ZBBX: variants seen among roughly 807,000 people sequenced by gnomAD.
ZBBX encodes zinc finger B-box domain-containing protein 1.
A neutral mutation model predicts 108.5 loss-of-function variants in ZBBX; 101 were observed. The ratio of observed to expected loss-of-function variants is 0.93; its 90% confidence interval spans 0.79 to 1.10. The LOEUF is 1.10. Ranked by LOEUF, ZBBX falls within the 50% of genes least tolerant of loss-of-function variation. The pLI, the probability that ZBBX is intolerant of heterozygous loss-of-function variation, is 0.00. For synonymous variants in ZBBX, 356 were observed against 323.4 expected, an observed-to-expected ratio of 1.10 and a Z score of -1.08; for missense variants, 1,009 against 941.4, an observed-to-expected ratio of 1.07 and a Z score of -0.94.
At chr3:167,356,955 A>C (rs902789664) in intron 8 of ZBBX, among the ~76,000 whole-genome samples, 24 of 152,298 alleles carry the variant, frequency 1.6e-4, no homozygotes, top group Middle Eastern at 3.4e-3. Flanking sequence ...GTGAGGGAAG[A>C]CTATTTATTG....
At chr3:167,377,331 T>C (rs916524716) in intron 2 of ZBBX, among the ~76,000 whole-genome samples, 1 of 152,136 alleles carries the variant, frequency 6.6e-6, no homozygotes, top group South Asian at 2.1e-4. Context: ...ATTGGCAGAA[T>C]GGGAGGTTTG....
At chr3:167,405,363 A>G (rs1187915831) in intron 1 of ZBBX, among the ~76,000 whole-genome samples, 1 of 152,196 alleles carries the variant, frequency 6.6e-6, no homozygotes, top group African/African-American at 2.4e-5. Context: ...AATGAAGAAA[A>G]GAAGAAAAGG....
intron 15 of ZBBX, 115 bp downstream of exon 15, chr3:167,315,635 T>C (rs1735310297): frequency 1.4e-6 from 1 of 707,262 alleles, no homozygotes; most frequent in Admixed American, 2.5e-5. Flanking sequence ...TACTCTGACA[T>C]TAATGTCACA....
In ZBBX at chr3:167,272,123, G is replaced by A. The variant is rs139652760; in HGVS notation, c.2254+10115C>T. Among the ~76,000 whole-genome samples, 1,502 of 152,194 alleles carry A rather than the reference G, an allele frequency of 9.9e-3. 9 individuals carry two copies. The highest frequency in any genetic ancestry group is 0.016 in the Non-Finnish European group (1,054 of 67,994). The stretch of plus-strand genomic sequence containing the variant: ...TAGTTCTAGAGACTCAGTTACCATG[G>A]ACCAAATGTCTTCCTATTTATTGCC... On this transcript the variant is annotated intron_variant, in intron 20 of 21. Coordinates refer to ENST00000675490, the MANE Select transcript of ZBBX (RefSeq NM_001199201.2).
At chr3:167,323,416 G>A (rs1736826333) in intron 11 of ZBBX, among the ~76,000 whole-genome samples, 1 of 151,988 alleles carries the variant, frequency 6.6e-6, no homozygotes, top group South Asian at 2.1e-4. Context: ...AATAAAGATG[G>A]GAGGTGACCT....
chr3:167,227,919 T>C, the ZBBX span, among the ~76,000 whole-genome samples: 1 of 151,612 alleles, frequency 6.6e-6, no homozygotes, highest in African/African-American at 2.4e-5. Context: ...TTTCAGTGTG[T>C]TGTCTGTAAG....
chr3:167,291,166 A>G (rs1191558584), intron 18 of ZBBX, among the ~76,000 whole-genome samples: 1 of 152,172 alleles, frequency 6.6e-6, no homozygotes, highest in East Asian at 1.9e-4. Context: ...TCCCCAACCT[A>G]CCAAGACAGG....
At chr3:167,370,541 A>G (rs759400647) in intron 4 of ZBBX, among the ~76,000 whole-genome samples, 1 of 152,204 alleles carries the variant, frequency 6.6e-6, no homozygotes, top group Non-Finnish European at 1.5e-5. Context: ...TCATTTGCTT[A>G]GAAGACTTCT....
chr3:167,404,216 G>C (rs534047647), intron 1 of ZBBX, among the ~76,000 whole-genome samples: 1 of 151,192 alleles, frequency 6.6e-6, no homozygotes, highest in Non-Finnish European at 1.5e-5. Flanking sequence ...AATGGAATTC[G>C]TTAAAAAAAT....
intron 1 of ZBBX, among the ~76,000 whole-genome samples, chr3:167,407,623 G>A (rs1217321775): frequency 6.6e-6 from 1 of 151,906 alleles, no homozygotes; most frequent in Non-Finnish European, 1.5e-5. Context: ...AAAAAAGTTA[G>A]GGAAAAGGAA....
chr3:167,274,741 A>G (rs1179522269), intron 20 of ZBBX, among the ~76,000 whole-genome samples: 1 of 152,136 alleles, frequency 6.6e-6, no homozygotes, highest in East Asian at 1.9e-4. Context: ...CCACCACTGT[A>G]CCTCACGTCC....
chr3:167,257,663 T>C (rs1361651432), intron 20 of ZBBX, among the ~76,000 whole-genome samples: 3 of 152,126 alleles, frequency 2.0e-5, no homozygotes, highest in African/African-American at 4.8e-5. Context: ...TCCTTTATTC[T>C]GTTGATATGA....
chr3:167,240,686 T>C lies in ZBBX; in HGVS notation c.*107A>G. On this transcript the variant is annotated 3_prime_UTR_variant, in exon 22 of 22. Coordinates refer to ENST00000675490, the MANE Select transcript of ZBBX (RefSeq NM_001199201.2). ...TGTAGCCTTGAAACATCAAAGACAT[T>C]AGTAATCAAAATCTCCAGCACTTGG... The C allele has an allele frequency of 7.6e-7, 1 of 1,323,452 alleles. No individual in the cohort carries two copies. Among genetic ancestry groups the C allele is most frequent in the South Asian group, 1.4e-5 (1 of 69,158 alleles). 82.0% of individuals were successfully genotyped at this position (1,323,452 alleles called of 1,614,324 possible).
chr3:167,191,732 AACAG>A, the ZBBX span, among the ~76,000 whole-genome samples: 1 of 151,656 alleles, frequency 6.6e-6, no homozygotes, highest in Admixed American at 6.6e-5. Context: ...GCAGTGTGAA[AACAG>A]ACTAATACAG....
intron 10 of ZBBX, among the ~76,000 whole-genome samples, chr3:167,332,246 C>A (rs1478820364): frequency 1.3e-5 from 2 of 151,540 alleles, no homozygotes; most frequent in Middle Eastern, 3.4e-3. Context: ...AACAAGAACA[C>A]TCACCAGAAT....
At chr3:167,394,344 A>G (rs1748166412) in intron 1 of ZBBX, among the ~76,000 whole-genome samples, 1 of 151,952 alleles carries the variant, frequency 6.6e-6, no homozygotes, top group African/African-American at 2.4e-5. Context: ...CCCACTGGAA[A>G]TAGTTGGAGA....
At chr3:167,308,078 A>C (rs1733972932) in intron 16 of ZBBX, among the ~76,000 whole-genome samples, 1 of 152,212 alleles carries the variant, frequency 6.6e-6, no homozygotes, top group Non-Finnish European at 1.5e-5. Flanking sequence ...ACAGAGCTCT[A>C]AGAACCACCT....
intron 9 of ZBBX, among the ~76,000 whole-genome samples, chr3:167,344,377 C>A (rs540655827): frequency 2.6e-5 from 4 of 151,800 alleles, no homozygotes; most frequent in African/African-American, 9.7e-5. Context: ...AATTATATCG[C>A]AATAATGCTG....
intron 1 of ZBBX, among the ~76,000 whole-genome samples, chr3:167,397,868 AT>A (rs1211320908): frequency 2.6e-4 from 39 of 148,418 alleles, no homozygotes; most frequent in Middle Eastern, 3.2e-3. Flanking sequence ...AAAAAAAAAA[AT>A]TAGGTTACAT....
Sources: allele counts gnomAD v4.1 joint callset (sites outside exome capture counted in the v4.1 genomes callset), GRCh38; gene constraint gnomAD v4.1.1; transcripts MANE v1.5; gene names NCBI Gene and HGNC (gene_info 2026-07-23, HGNC 2026-07-21).